Variants in TTLL11 observed in about 807,000 individuals in gnomAD.
TTLL11 encodes the protein tubulin tyrosine ligase like 11.
A neutral mutation model predicts 51.7 loss-of-function variants in TTLL11; 42 were observed. That is an observed-to-expected ratio of 0.81 (90% CI 0.64 to 1.05). TTLL11 has a LOEUF of 1.05. Ranked by LOEUF, TTLL11 falls within the 50% of genes least tolerant of loss-of-function variation. TTLL11 has a pLI of 0.00. For missense variants in TTLL11, 799 were observed against 940.4 expected, an observed-to-expected ratio of 0.85 and a Z score of 1.97; for synonymous variants, 381 against 383.5, an observed-to-expected ratio of 0.99 and a Z score of 0.08.
chr9:122,080,375 G>A (rs1026106771), intron 1 of TTLL11, among the ~76,000 whole-genome samples: 2 of 152,142 alleles, frequency 1.3e-5, no homozygotes, highest in African/African-American at 2.4e-5. Context: ...TTTTTGGAAA[G>A]TTAGCTTAAG....
chr9:122,020,659 A>C (rs763357713), intron 3 of TTLL11, among the ~76,000 whole-genome samples: 14 of 152,252 alleles, frequency 9.2e-5, no homozygotes, highest in Non-Finnish European at 1.9e-4. Context: ...CTAACCCCCA[A>C]GGGGATGGTT....
At chr9:121,953,238 C>T (rs1212287406) in intron 6 of TTLL11, among the ~76,000 whole-genome samples, 18 of 152,086 alleles carry the variant, frequency 1.2e-4, no homozygotes, top group Admixed American at 1.1e-3. Flanking sequence ...CAAATGAGCA[C>T]GTCATAATTG....
At chr9:121,934,926 A>C (rs1841141329) in intron 6 of TTLL11, among the ~76,000 whole-genome samples, 1 of 152,096 alleles carries the variant, frequency 6.6e-6, no homozygotes. Flanking sequence ...AATAATGACT[A>C]CTAGTCCACC....
rs1564294374 is a variant in TTLL11, at chr9:121,897,641, C to CACACGCGT, written c.1482-26894_1482-26893insACGCGTGT. 7.7e-3 allele frequency among the ~76,000 whole-genome samples: 413 copies of CACACGCGT among 53,650 alleles called. 4 individuals carry two copies. Among genetic ancestry groups the CACACGCGT allele is most frequent in the African/African-American group, 0.022 (401 of 18,130 alleles). 35.2% of individuals were successfully genotyped at this position (53,650 alleles called of 152,430 possible). A position where few individuals can be genotyped will look rare whatever the true frequency, so the allele number is the denominator to read the frequency against. ...AGGCACACACACACACACACACACACGCGCGCGCGAAGTCTCCAACTGCCC... is the reference window on the plus strand; with the variant it reads ...AGGCACACACACACACACACACACACACACGCGTGCGCGCGCGAAGTCTCCAACTGCCC... On this transcript the variant is annotated intron_variant, in intron 6 of 8. Transcript: ENST00000321582.
intron 6 of TTLL11, among the ~76,000 whole-genome samples, chr9:121,891,541 G>GA (rs987440614): frequency 4.6e-5 from 7 of 152,252 alleles, no homozygotes; most frequent in East Asian, 3.9e-4. Context: ...GTTGGCCCCA[G>GA]AAAAAATCCC....
At chr9:122,066,416 C>A (rs1204621746) in intron 1 of TTLL11, among the ~76,000 whole-genome samples, 2 of 152,008 alleles carry the variant, frequency 1.3e-5, no homozygotes, top group Non-Finnish European at 1.5e-5. Flanking sequence ...AATCACTGAG[C>A]CAGAGTCCAG....
intron 3 of TTLL11, among the ~76,000 whole-genome samples, chr9:122,015,807 C>CAAAAAAAAAAAAAA (rs11297849): frequency 6.5e-4 from 61 of 94,354 alleles, no homozygotes; most frequent in African/African-American, 1.8e-3. Flanking sequence ...TCAAAAGAGA[C>CAAAAAAAAAAAAAA]AAAAAAAAAA....
chr9:121,903,269 T>C (rs1048639040), intron 6 of TTLL11, among the ~76,000 whole-genome samples: 6 of 152,082 alleles, frequency 3.9e-5, no homozygotes, highest in African/African-American at 7.2e-5. Flanking sequence ...AGAGTCAGGA[T>C]TGGAGCCCGA....
At chr9:122,040,541 G>T in intron 1 of TTLL11, 1 of 383,358 alleles carries the variant, frequency 2.6e-6, no homozygotes, top group Non-Finnish European at 3.6e-6. Flanking sequence ...TGTTAAAAGT[G>T]CACACAAATA....
At chr9:121,946,502 T>G (rs1841671940) in intron 6 of TTLL11, among the ~76,000 whole-genome samples, 1 of 152,178 alleles carries the variant, frequency 6.6e-6, no homozygotes. Flanking sequence ...GAATCATACC[T>G]GGGGCCAGCC....
intron 6 of TTLL11, among the ~76,000 whole-genome samples, chr9:121,874,359 G>C (rs905072519): frequency 1.3e-5 from 2 of 151,998 alleles, no homozygotes; most frequent in African/African-American, 4.8e-5. Flanking sequence ...ATCCTATGTG[G>C]AATTATTGAT....
At chr9:121,868,274 T>C (rs984198720) in intron 7 of TTLL11, among the ~76,000 whole-genome samples, 4 of 152,178 alleles carry the variant, frequency 2.6e-5, no homozygotes, top group Non-Finnish European at 5.9e-5. Flanking sequence ...CTTTCTTATG[T>C]TACAAGGTCC....
At chr9:121,824,857 GT>G (rs1219760829) in intron 8 of TTLL11, among the ~76,000 whole-genome samples, 1 of 152,172 alleles carries the variant, frequency 6.6e-6, no homozygotes, top group Admixed American at 6.5e-5. Flanking sequence ...CTGGCCTAGG[GT>G]TTGTAGATTA....
intron 8 of TTLL11, among the ~76,000 whole-genome samples, chr9:121,852,261 G>A (rs1188718991): frequency 1.3e-5 from 2 of 152,162 alleles, no homozygotes; most frequent in South Asian, 4.1e-4. Context: ...CTACTGTTTG[G>A]GCCAGGTGCA....
chr9:122,019,415 C>T (rs1456717696), intron 3 of TTLL11, among the ~76,000 whole-genome samples: 2 of 152,200 alleles, frequency 1.3e-5, no homozygotes, highest in Admixed American at 6.5e-5. Context: ...CCCTCTCCTT[C>T]TCAAATCTCA....
intron 6 of TTLL11, among the ~76,000 whole-genome samples, chr9:121,897,064 C>A (rs1235709669): frequency 6.6e-6 from 1 of 152,124 alleles, no homozygotes; most frequent in African/African-American, 2.4e-5. Flanking sequence ...ATTAAGGAAA[C>A]CTGAATGACT....
At chr9:122,019,866 T>C (rs111687129) in intron 3 of TTLL11, among the ~76,000 whole-genome samples, 2,481 of 152,320 alleles carry the variant, frequency 0.016, 62 homozygotes, top group African/African-American at 0.056. Context: ...GTTCTCATGG[T>C]AGTGAATAAG....
At chr9:121,876,920 T>C (rs1463261965) in intron 6 of TTLL11, among the ~76,000 whole-genome samples, 3 of 152,238 alleles carry the variant, frequency 2.0e-5, no homozygotes, top group Non-Finnish European at 1.5e-5. Flanking sequence ...TAAGAATCAC[T>C]GGTCTAGGTG....
At chr9:121,873,645 T>TCCTC (rs1564282923) in intron 6 of TTLL11, among the ~76,000 whole-genome samples, 5 of 141,086 alleles carry the variant, frequency 3.5e-5, no homozygotes, top group Non-Finnish European at 7.7e-5. Context: ...TCCTCCTCTC[T>TCCTC]TCTTCTTCTT....
Sources: gnomAD v4.1 joint callset for allele counts (sites outside exome capture counted in the v4.1 genomes callset) on GRCh38, gnomAD v4.1.1 for gene constraint, MANE v1.5 for transcripts, NCBI Gene and HGNC (gene_info 2026-07-23, HGNC 2026-07-21) for gene names.